NRXN3: variants seen among roughly 807,000 people sequenced by gnomAD.
NRXN3 encodes neurexin III.
NRXN3 carries 32 observed loss-of-function variants against 137.6 expected under a neutral mutation model. The observed-to-expected ratio is 0.23, with a 90% CI of 0.18 to 0.31. NRXN3 has a LOEUF of 0.31. Ranked by LOEUF, NRXN3 falls within the 10% of genes least tolerant of loss-of-function variation. The probability of loss-of-function intolerance (pLI) is 1.00; values close to 1 mark genes in which losing one functional copy is unlikely to be tolerated. For synonymous variants in NRXN3, 798 were observed against 784.5 expected, an observed-to-expected ratio of 1.02 and a Z score of -0.29; for missense variants, 1,574 against 2,062.5, an observed-to-expected ratio of 0.76 and a Z score of 4.59.
intron 15 of NRXN3, chr14:79,072,404 G>GTAGA (rs1347656833): frequency 6.6e-6 from 1 of 152,200 alleles, no homozygotes; most frequent in Non-Finnish European, 1.5e-5. Context: ...GGGCTGCTGA[G>GTAGA]TAGATGATGC....
At chr14:79,217,732 C>G (rs533065973) in intron 15 of NRXN3, among the ~76,000 whole-genome samples, 1 of 152,106 alleles carries the variant, frequency 6.6e-6, no homozygotes, top group Admixed American at 6.5e-5. Context: ...CTCCCTCCCC[C>G]AGAAACACTG....
intron 10 of NRXN3, among the ~76,000 whole-genome samples, chr14:78,836,900 C>T (rs946564725): frequency 2.0e-5 from 3 of 152,106 alleles, no homozygotes; most frequent in African/African-American, 7.2e-5. Flanking sequence ...TGCTGCAAGC[C>T]GGAGAAGATC....
chr14:79,749,002 T>G (rs2098988488), intron 19 of NRXN3, among the ~76,000 whole-genome samples: 1 of 151,972 alleles, frequency 6.6e-6, no homozygotes. Context: ...CTGATGGTAT[T>G]TTTTTTAATA....
At chr14:78,502,954 T>C (rs914803206) in intron 4 of NRXN3, among the ~76,000 whole-genome samples, 3 of 152,192 alleles carry the variant, frequency 2.0e-5, no homozygotes, top group African/African-American at 7.2e-5. Context: ...CTATGTGTAT[T>C]TGTGAAGTAC....
intron 19 of NRXN3, among the ~76,000 whole-genome samples, chr14:79,789,147 G>C (rs1442909540): frequency 6.6e-6 from 1 of 152,114 alleles, no homozygotes; most frequent in Non-Finnish European, 1.5e-5. Context: ...TGAACCAACA[G>C]AGTGAAACAT....
chr14:78,327,293 A>G (rs977172337), intron 4 of NRXN3, among the ~76,000 whole-genome samples: 2 of 152,176 alleles, frequency 1.3e-5, no homozygotes, highest in African/African-American at 4.8e-5. Flanking sequence ...TGATATTTGA[A>G]TGGGGATAGG....
chr14:79,134,232 G>T (rs1421143832), intron 15 of NRXN3, among the ~76,000 whole-genome samples: 1 of 152,168 alleles, frequency 6.6e-6, no homozygotes, highest in Non-Finnish European at 1.5e-5. Flanking sequence ...AGGCAGAAAG[G>T]GTACTTGTCA....
chr14:78,831,396 C>T (rs973323661), intron 10 of NRXN3, among the ~76,000 whole-genome samples: 1 of 151,684 alleles, frequency 6.6e-6, no homozygotes, highest in African/African-American at 2.4e-5. Context: ...ATTAGCCGGG[C>T]GTGGTTGTAG....
chr14:79,805,812 TG>T (rs2099202386), intron 20 of NRXN3, among the ~76,000 whole-genome samples: 1 of 152,222 alleles, frequency 6.6e-6, no homozygotes, highest in Admixed American at 6.5e-5. Context: ...TGCTGTACCA[TG>T]CCGTGTCAAC....
intron 4 of NRXN3, among the ~76,000 whole-genome samples, chr14:78,554,545 C>T (rs2096721011): frequency 6.6e-6 from 1 of 152,222 alleles, no homozygotes; most frequent in African/African-American, 2.4e-5. Flanking sequence ...GGTTAGTGGC[C>T]CGAAAATCTG....
At chr14:79,857,601 T>TA (rs2099405563) in intron 20 of NRXN3, among the ~76,000 whole-genome samples, 1 of 151,912 alleles carries the variant, frequency 6.6e-6, no homozygotes, top group South Asian at 2.1e-4. Context: ...GTGCCTTTGA[T>TA]CCCCCAGGAC....
intron 15 of NRXN3, among the ~76,000 whole-genome samples, chr14:79,057,027 A>G (rs1483168887): frequency 1.3e-5 from 2 of 150,820 alleles, no homozygotes; most frequent in African/African-American, 5.0e-5. Context: ...ATGTTATAAG[A>G]TGATTGTTGA....
chr14:78,439,762 G>GT (rs1178501598), intron 4 of NRXN3, among the ~76,000 whole-genome samples: 2 of 152,300 alleles, frequency 1.3e-5, no homozygotes, highest in East Asian at 3.9e-4. Flanking sequence ...TCTTGGTAGG[G>GT]TCAGAGCTAG....
chr14:78,579,443 C>A (rs1254337182), intron 4 of NRXN3, among the ~76,000 whole-genome samples: 1 of 151,788 alleles, frequency 6.6e-6, no homozygotes, highest in Non-Finnish European at 1.5e-5. Context: ...TGTCTGAATT[C>A]AGATTTAACT....
chr14:79,396,948 G>T (rs1266772934), intron 15 of NRXN3, among the ~76,000 whole-genome samples: 1 of 152,028 alleles, frequency 6.6e-6, no homozygotes, highest in Non-Finnish European at 1.5e-5. Context: ...TACCTTCAGG[G>T]AATAAAATAG....
intron 19 of NRXN3, among the ~76,000 whole-genome samples, chr14:79,704,264 A>G (rs1171290691): frequency 1.3e-5 from 2 of 152,192 alleles, no homozygotes; most frequent in Non-Finnish European, 2.9e-5. Context: ...GTTGTTATCA[A>G]TGGCACTTCG....
chr14:79,708,691 A>C (rs1345145632), intron 19 of NRXN3, among the ~76,000 whole-genome samples: 1 of 152,056 alleles, frequency 6.6e-6, no homozygotes, highest in African/African-American at 2.4e-5. Flanking sequence ...TTAGAAACAC[A>C]CTGAGGCTGT....
chr14:78,406,545 G>T (rs755774298), intron 4 of NRXN3, among the ~76,000 whole-genome samples: 1 of 152,172 alleles, frequency 6.6e-6, no homozygotes. Flanking sequence ...GAAGGGGAAC[G>T]AATGGTTGGT....
intron 15 of NRXN3, among the ~76,000 whole-genome samples, chr14:79,131,403 A>C (rs1596312519): frequency 6.6e-6 from 1 of 151,800 alleles, no homozygotes; most frequent in South Asian, 2.1e-4. Flanking sequence ...AACAGACAGG[A>C]CCCTCAGCTG....
Sources: gnomAD v4.1 joint callset for allele counts (sites outside exome capture counted in the v4.1 genomes callset) on GRCh38, gnomAD v4.1.1 for gene constraint, MANE v1.5 for transcripts, NCBI Gene and HGNC (gene_info 2026-07-23, HGNC 2026-07-21) for gene names.